Variants in TULP4 observed in about 807,000 individuals in gnomAD.
The protein encoded by TULP4 is tubby-related protein 4.
A neutral mutation model predicts 129.0 loss-of-function variants in TULP4; 16 were observed. The observed-to-expected ratio is 0.12, with a 90% CI of 0.08 to 0.19. The LOEUF (loss-of-function observed/expected upper bound fraction) is 0.19. Ranked by LOEUF, TULP4 falls within the 10% of genes least tolerant of loss-of-function variation. The pLI, the probability that TULP4 is intolerant of heterozygous loss-of-function variation, is 1.00. For missense variants in TULP4, 1,842 were observed against 2,059.1 expected (o/e 0.89, Z 2.04); for synonymous variants, 998 against 854.0 (o/e 1.17, Z -2.94).
intron 1 of TULP4, among the ~76,000 whole-genome samples, chr6:158,290,178 A>G (rs916421179): frequency 2.0e-5 from 3 of 152,190 alleles, no homozygotes; most frequent in Non-Finnish European, 4.4e-5. Context: ...TCAAGCATCC[A>G]CATCAGCATT....
intron 6 of TULP4, among the ~76,000 whole-genome samples, chr6:158,472,706 G>C (rs2128247139): frequency 6.6e-6 from 1 of 152,328 alleles, no homozygotes; most frequent in East Asian, 1.9e-4. Flanking sequence ...AAGTTAATTA[G>C]ATTGTAGGGT....
intron 2 of TULP4, among the ~76,000 whole-genome samples, chr6:158,423,245 A>G (rs1160841963): frequency 2.0e-5 from 3 of 152,252 alleles, no homozygotes; most frequent in Non-Finnish European, 4.4e-5. Context: ...CTGGGGCTAA[A>G]TAAAGATTTC....
intron 1 of TULP4, among the ~76,000 whole-genome samples, chr6:158,376,833 C>G (rs767164550): frequency 6.6e-6 from 1 of 152,194 alleles, no homozygotes; most frequent in African/African-American, 2.4e-5. Flanking sequence ...ATGTGGCTGT[C>G]AGGCCAGTAG....
chr6:158,479,117 G>C (rs1476709429), intron 6 of TULP4, among the ~76,000 whole-genome samples: 1 of 152,134 alleles, frequency 6.6e-6, no homozygotes, highest in East Asian at 1.9e-4. Context: ...TCACACAGCT[G>C]GTAAGACCAA....
chr6:158,268,713 A>G (rs1012207880), intron 1 of TULP4, among the ~76,000 whole-genome samples: 1 of 152,098 alleles, frequency 6.6e-6, no homozygotes, highest in Non-Finnish European at 1.5e-5. Flanking sequence ...AATTGTTCTG[A>G]TTTCATTTGA....
intron 1 of TULP4, among the ~76,000 whole-genome samples, chr6:158,336,155 T>C (rs1294639408): frequency 1.3e-5 from 2 of 152,168 alleles, no homozygotes; most frequent in Non-Finnish European, 2.9e-5. Flanking sequence ...GGCACTGCAG[T>C]GTGGTTTTAA....
Position 158,502,389 on chromosome 6 carries a change from G to T in TULP4, c.2726G>T (p.Cys909Phe). The change falls in exon 13 of 14, where the codon TGC (cysteine) becomes TTC (phenylalanine). Residue 909 changes from cysteine (C) to phenylalanine (F), a missense_variant. Cys to Phe is a radical substitution (Grantham distance 205). Transcript: ENST00000367097. ...EVCRPRTRML[C>F]SQNTYTLPGP... Reference sequence around the variant, plus strand: ...TGCCGGCCCCGCACCCGGATGCTGTGCTCCCAGAACACGTACACCCTCCCC... The same window carrying T: ...TGCCGGCCCCGCACCCGGATGCTGTTCTCCCAGAACACGTACACCCTCCCC... 6.2e-7 allele frequency: 1 copy of T among 1,613,764 alleles called. No homozygotes were observed. The highest frequency in any genetic ancestry group is 1.3e-5 in the African/African-American group (1 of 74,982).
chr6:158,439,025 G>T (rs184968423), intron 3 of TULP4, among the ~76,000 whole-genome samples: 4 of 152,158 alleles, frequency 2.6e-5, no homozygotes, highest in African/African-American at 9.6e-5. Context: ...CAAAAAATTA[G>T]CAGGGTGTGG....
At chr6:158,366,835 C>T (rs778512937) in intron 1 of TULP4, among the ~76,000 whole-genome samples, 3 of 152,204 alleles carry the variant, frequency 2.0e-5, no homozygotes, top group Non-Finnish European at 4.4e-5. Flanking sequence ...TAAATAATCT[C>T]AAGGTCCCGT....
intron 1 of TULP4, among the ~76,000 whole-genome samples, chr6:158,401,338 T>G (rs530554297): frequency 6.6e-6 from 1 of 152,084 alleles, no homozygotes; most frequent in Non-Finnish European, 1.5e-5. Context: ...CCTCCCAAAG[T>G]GGTAGAATTA....
chr6:158,288,886 A>G lies in TULP4; in HGVS notation n.116+6508A>G, dbSNP rs145758497. Among the ~76,000 whole-genome samples the G allele has an allele frequency of 5.2e-3, 799 of 152,358 alleles. 7 individuals carry two copies. The highest frequency in any genetic ancestry group is 0.018 in the African/African-American group (762 of 41,584). On this transcript the variant is annotated intron_variant and non_coding_transcript_variant, in intron 1 of 1. Transcript: ENST00000432358. ...TTACTCTTTTAGTATGATGAATTATATCTAATAGATTATATTTCTAATTAG... is the reference window on the plus strand; with the variant it reads ...TTACTCTTTTAGTATGATGAATTATGTCTAATAGATTATATTTCTAATTAG...
chr6:158,341,586 C>T (rs990588688), intron 1 of TULP4, among the ~76,000 whole-genome samples: 1 of 152,100 alleles, frequency 6.6e-6, no homozygotes, highest in Non-Finnish European at 1.5e-5. Context: ...TATTGCCTTT[C>T]TTCTTGGAAA....
intron 1 of TULP4, among the ~76,000 whole-genome samples, chr6:158,346,268 A>C (rs1410141137): frequency 2.0e-5 from 3 of 152,226 alleles, no homozygotes; most frequent in Non-Finnish European, 2.9e-5. Context: ...TAAGAGATTA[A>C]AGTAAGACAG....
chr6:158,465,022 G>A (rs534573488), intron 6 of TULP4, among the ~76,000 whole-genome samples: 172 of 152,288 alleles, frequency 1.1e-3, no homozygotes, highest in African/African-American at 3.6e-3. Flanking sequence ...TTGGAATTTG[G>A]TATCTTATTG....
chr6:158,249,748 T>C (rs1778103540), intron 1 of TULP4, among the ~76,000 whole-genome samples: 1 of 152,262 alleles, frequency 6.6e-6, no homozygotes, highest in African/African-American at 2.4e-5. Context: ...CCTTTAATTT[T>C]AACTATCACT....
chr6:158,508,230 C>G lies in TULP4; in HGVS notation c.*1536C>G, dbSNP rs1780648265. On this transcript the variant is annotated 3_prime_UTR_variant, in exon 14 of 14. Coordinates refer to ENST00000367097, the MANE Select transcript of TULP4 (RefSeq NM_020245.5). Reference sequence around the variant, plus strand: ...TGTTGTTTAGGATCAGGCCCCTCTCCTGGGCCTGCTGTGCAGGAGCACAGG... The same window carrying G: ...TGTTGTTTAGGATCAGGCCCCTCTCGTGGGCCTGCTGTGCAGGAGCACAGG... 1 of 152,186 alleles carries G rather than the reference C, an allele frequency of 6.6e-6. No individual in the cohort carries two copies. Among genetic ancestry groups the G allele is most frequent in the African/African-American group, 2.4e-5 (1 of 41,428 alleles). The allele number at this position is 152,186 out of a possible 1,614,324, so 9.4% of individuals were successfully genotyped here.
chr6:158,234,545 A>G (rs1002329999), intron 1 of TULP4, among the ~76,000 whole-genome samples: 4 of 152,236 alleles, frequency 2.6e-5, no homozygotes, highest in African/African-American at 9.6e-5. Flanking sequence ...CATTTGCAAC[A>G]TCAATTAACA....
intron 1 of TULP4, among the ~76,000 whole-genome samples, chr6:158,241,478 T>A (rs1389895843): frequency 1.3e-5 from 2 of 151,330 alleles, no homozygotes; most frequent in East Asian, 3.9e-4. Context: ...TGAACGAGAC[T>A]CCGTCTGCAA....
At chr6:158,448,535 A>G (rs533806204) in intron 3 of TULP4, among the ~76,000 whole-genome samples, 2 of 152,232 alleles carry the variant, frequency 1.3e-5, no homozygotes, top group South Asian at 2.1e-4. Context: ...GTTATATAAC[A>G]TGCTTACATA....
Sources: gnomAD v4.1 joint callset for allele counts (sites outside exome capture counted in the v4.1 genomes callset) on GRCh38, gnomAD v4.1.1 for gene constraint, MANE v1.5 for transcripts, NCBI Gene and HGNC (gene_info 2026-07-23, HGNC 2026-07-21) for gene names.